Variants in PRKCI observed in about 807,000 individuals in gnomAD.
PRKCI encodes protein kinase C iota, also known as protein kinase C iota type.
A neutral mutation model predicts 84.0 loss-of-function variants in PRKCI; 43 were observed. The observed-to-expected ratio is 0.51, with a 90% CI of 0.40 to 0.66. The LOEUF (loss-of-function observed/expected upper bound fraction) is 0.66, where lower values mean the gene tolerates loss of function less well. Among genes scored for constraint, PRKCI ranks in the 30% least tolerant of loss-of-function variants. The pLI, the probability that PRKCI is intolerant of heterozygous loss-of-function variation, is 0.00. For missense variants in PRKCI, 459 were observed against 745.6 expected, an observed-to-expected ratio of 0.62 and a Z score of 4.48; for synonymous variants, 216 against 234.4, an observed-to-expected ratio of 0.92 and a Z score of 0.72.
Position 170,260,050 on chromosome 3 carries a change from T to G in PRKCI, c.305T>G (p.Leu102Trp). ...LYELNKDSEL[L>W]IHVFPCVPER... ...GAGCTAAACAAGGATTCTGAACTCTTGATTCATGGTAAGAGAGTAGTCATT... is the reference window on the plus strand; with the variant it reads ...GAGCTAAACAAGGATTCTGAACTCTGGATTCATGGTAAGAGAGTAGTCATT... The change falls in exon 3 of 18, where the codon TTG becomes TGG. Residue 102 changes from leucine to tryptophan, a missense_variant. Transcript: ENST00000295797. The G allele has an allele frequency of 1.9e-6, 3 of 1,603,154 alleles. No individual in the cohort carries two copies. The highest frequency in any genetic ancestry group is 2.6e-6 in the Non-Finnish European group (3 of 1,171,664).
intron 1 of PRKCI, 42 bp from the exon 2 acceptor site, chr3:170,235,188 T>A (rs772491628): frequency 3.2e-6 from 5 of 1,587,226 alleles, no homozygotes; most frequent in South Asian, 1.1e-5. Context: ...AGCATTATTA[T>A]TTTTAATCAT....
In PRKCI at chr3:170,265,642, T is replaced by A. The variant is rs9845782; in HGVS notation, c.364+2213T>A. Among the ~76,000 whole-genome samples, 3 of 151,002 alleles carry A rather than the reference T, an allele frequency of 2.0e-5. 1 individual carries two copies. In the East Asian group the frequency reaches 5.8e-4, roughly 29 times the overall value. On this transcript the variant is annotated intron_variant, in intron 4 of 17. Transcript: ENST00000295797. ...TTTCTTTTTTTTTTTTTTGAGATGG[T>A]CTTGCTCTGTCGCCCAGGCTGGAGT...
At position 170,297,331 on chromosome 3, in the gene PRKCI, C is replaced by T; in HGVS notation, c.1525C>T (p.Pro509Ser). ...CCCTAAGGAACGATTGGGTTGTCAT[C>T]CTCAAACAGGATTTGCTGATATTCA... ...KDPKERLGCH[P>S]QTGFADIQGH... is the part of the protein sequence containing the mutation. Residue 509 changes from proline (P) to serine (S), a missense_variant, in exon 16 of 18, where the codon CCT (proline) becomes TCT (serine). Around this residue, in one of 2 missense-constraint regions of PRKCI, gnomAD observed 209 missense variants for 425.9 expected, o/e 0.49. Transcript: ENST00000295797. The T allele has an allele frequency of 6.2e-7, 1 of 1,613,772 alleles. No individual in the cohort carries two copies. The highest frequency in any genetic ancestry group is 8.5e-7 in the Non-Finnish European group (1 of 1,179,748).
chr3:170,266,240 T>C (rs1035657473), intron 4 of PRKCI, among the ~76,000 whole-genome samples: 3 of 152,136 alleles, frequency 2.0e-5, no homozygotes, highest in Admixed American at 6.6e-5. Context: ...GACCACTGGA[T>C]GAAAAGTTGT....
At chr3:170,271,916 C>T (rs1173001596) in intron 6 of PRKCI, among the ~76,000 whole-genome samples, 1 of 152,198 alleles carries the variant, frequency 6.6e-6, no homozygotes, top group Admixed American at 6.5e-5. Context: ...TCACTGCAAC[C>T]TCCACCTCCC....
At chr3:170,257,734 G>A (rs1331977680) in intron 2 of PRKCI, among the ~76,000 whole-genome samples, 2 of 150,194 alleles carry the variant, frequency 1.3e-5, no homozygotes, top group Non-Finnish European at 3.0e-5. Flanking sequence ...GTGTGATCTC[G>A]GTTCGCTGCA....
intron 17 of PRKCI, among the ~76,000 whole-genome samples, chr3:170,300,453 C>T (rs1734793240): frequency 6.6e-6 from 1 of 151,848 alleles, no homozygotes; most frequent in Admixed American, 6.6e-5. Context: ...TTTTATTAGA[C>T]CTTCTTTATT....
chr3:170,296,675 A>G (rs973821694), intron 15 of PRKCI, among the ~76,000 whole-genome samples: 5 of 152,198 alleles, frequency 3.3e-5, no homozygotes, highest in Admixed American at 6.5e-5. Context: ...AAAATGAACA[A>G]TTTATGTGAG....
At chr3:170,252,068 G>A (rs1733463769) in intron 2 of PRKCI, among the ~76,000 whole-genome samples, 1 of 152,054 alleles carries the variant, frequency 6.6e-6, no homozygotes, top group African/African-American at 2.4e-5. Flanking sequence ...ACAAAAATTA[G>A]CCAGGCGTGG....
chr3:170,234,513 A>G (rs1732893773), intron 1 of PRKCI, among the ~76,000 whole-genome samples: 1 of 152,222 alleles, frequency 6.6e-6, no homozygotes, highest in African/African-American at 2.4e-5. Flanking sequence ...GATGATATCC[A>G]GTGTAACTAA....
At chr3:170,237,868 A>T (rs1013139354) in intron 2 of PRKCI, among the ~76,000 whole-genome samples, 2 of 152,178 alleles carry the variant, frequency 1.3e-5, no homozygotes, top group African/African-American at 2.4e-5. Flanking sequence ...CACCAATTCC[A>T]ATTGTAAGAG....
At chr3:170,275,186 C>CA in intron 7 of PRKCI, 43 bp from the exon 8 acceptor site, 1 of 1,272,306 alleles carries the variant, frequency 7.9e-7, no homozygotes, top group Non-Finnish European at 1.0e-6. Context: ...TTCTCCTGCA[C>CA]CTTTTTTTTT....
chr3:170,270,789 C>T (rs1577361430), intron 6 of PRKCI, among the ~76,000 whole-genome samples: 1 of 152,126 alleles, frequency 6.6e-6, no homozygotes, highest in Admixed American at 6.5e-5. Context: ...TCTTTACCTG[C>T]TGTAAAATCC....
At chr3:170,297,796 A>G (rs1032368508) in intron 16 of PRKCI, among the ~76,000 whole-genome samples, 8 of 152,102 alleles carry the variant, frequency 5.3e-5, no homozygotes, top group African/African-American at 1.9e-4. Flanking sequence ...AACATATCAC[A>G]GCTTTAAAAA....
rs560555061 is a variant in PRKCI at position 170,234,658 on chromosome 3, G to C, written c.102-572G>C. Among the ~76,000 whole-genome samples the C allele has an allele frequency of 5.3e-5, 8 of 151,962 alleles. No individual in the cohort carries two copies. The East Asian group carries it at 1.2e-3, about 22-fold the overall frequency. On this transcript the variant is annotated intron_variant, in intron 1 of 17. Coordinates refer to ENST00000295797, the MANE Select transcript of PRKCI (RefSeq NM_002740.6). ...ATGCCCTCATACTAGTAACCTTGAG[G>C]GTTCTTTGAAAGAAAAATTGCTTTA... is the stretch of plus-strand genomic sequence containing the variant.
intron 5 of PRKCI, among the ~76,000 whole-genome samples, chr3:170,269,927 C>T (rs942265182): frequency 3.3e-5 from 5 of 151,528 alleles, no homozygotes; most frequent in Non-Finnish European, 7.4e-5. Context: ...CATTGCATTC[C>T]AGCCTGGGCA....
intron 2 of PRKCI, among the ~76,000 whole-genome samples, chr3:170,259,108 C>CA (rs1302716497): frequency 2.6e-5 from 4 of 151,948 alleles, no homozygotes; most frequent in Non-Finnish European, 5.9e-5. Flanking sequence ...AACACCATTG[C>CA]ACTCCAGCCT....
intron 2 of PRKCI, among the ~76,000 whole-genome samples, chr3:170,238,635 A>G (rs1248464237): frequency 2.1e-5 from 3 of 142,092 alleles, no homozygotes; most frequent in African/African-American, 8.0e-5. Flanking sequence ...TCTGTTGCCC[A>G]GGCTGGAGTG....
intron 3 of PRKCI, 108 bp downstream of exon 3, chr3:170,260,166 T>G: frequency 2.9e-6 from 2 of 688,748 alleles, no homozygotes; most frequent in African/African-American, 1.8e-5. Flanking sequence ...TCTCAATCTC[T>G]GTGACTCATG....
Sources: allele counts gnomAD v4.1 joint callset (sites outside exome capture counted in the v4.1 genomes callset), GRCh38; gene constraint gnomAD v4.1.1; regional missense constraint gnomAD v4.1.1; transcripts MANE v1.5; gene names NCBI Gene and HGNC (gene_info 2026-07-23, HGNC 2026-07-21).